The following ZSCAN25 variants were observed in gnomAD, a reference collection of about 807,000 sequenced individuals.
The protein encoded by ZSCAN25 is zinc finger and SCAN domain-containing protein 25.
A neutral mutation model predicts 38.7 loss-of-function variants in ZSCAN25; 27 were observed. The observed-to-expected ratio is 0.70, with a 90% confidence interval of 0.51 to 0.96. The LOEUF is 0.96. ZSCAN25 is among the 40% of genes least tolerant of loss of function. The probability of loss-of-function intolerance (pLI) is 0.00; values close to 1 mark genes in which losing one functional copy is unlikely to be tolerated. For missense variants in ZSCAN25, 637 were observed against 705.9 expected (o/e 0.90, Z 1.11); for synonymous variants, 273 against 277.7 (o/e 0.98, Z 0.17).
chr7:99,711,040 T>A, the ZSCAN25 span: 25 of 1,346,262 alleles, frequency 1.9e-5, no homozygotes, highest in Non-Finnish European at 1.7e-5. Flanking sequence ...GGTTTCACTC[T>A]GATGTGTGTC....
chr7:99,663,485 G>C, the ZSCAN25 span: 191 of 990,796 alleles, frequency 1.9e-4, no homozygotes, highest in Middle Eastern at 1.6e-3. Flanking sequence ...GAAGACCCCT[G>C]TTCACTCCAG....
Position 99,629,191 on chromosome 7 carries a change from G to A in ZSCAN25, c.806G>A (p.Gly269Asp), listed in dbSNP as rs1159831748. Reference sequence around the variant, plus strand: ...ATCTTTATCTCCTCCTGTCCTGTAGGCGGTGGGAGCAAGGAAAAGGAGGCA... The same window carrying A: ...ATCTTTATCTCCTCCTGTCCTGTAGACGGTGGGAGCAAGGAAAAGGAGGCA... Reference protein sequence around the residue: ...VEPQDCRVSPGGGSKEKEAKP... With the variant: ...VEPQDCRVSPDGGSKEKEAKP... Residue 269 changes from glycine (G) to aspartate (D), a missense_variant and splice_region_variant, in exon 8 of 8, where the codon GGC becomes GAC. Coordinates refer to ENST00000394152, the MANE Select transcript of ZSCAN25 (RefSeq NM_145115.3). The surrounding 1 kb of genome is among the most constrained non-coding windows in gnomAD (Gnocchi z 5.6). The A allele has an allele frequency of 1.2e-6, 2 of 1,606,254 alleles. No homozygotes were observed. Among genetic ancestry groups the A allele is most frequent in the Non-Finnish European group, 1.7e-6 (2 of 1,176,170 alleles).
chr7:99,674,631 A>G, the ZSCAN25 span: 2 of 1,539,424 alleles, frequency 1.3e-6, no homozygotes, highest in East Asian at 2.3e-5. Context: ...TTTAAATAGA[A>G]TAAACCCTAC....
chr7:99,733,129 C>T, the ZSCAN25 span, among the ~76,000 whole-genome samples: 2 of 152,238 alleles, frequency 1.3e-5, no homozygotes, highest in Non-Finnish European at 2.9e-5. Flanking sequence ...TGTGCACCAT[C>T]TACCACAACC....
chr7:99,734,438 C>A, the ZSCAN25 span, among the ~76,000 whole-genome samples: 1 of 152,018 alleles, frequency 6.6e-6, no homozygotes, highest in African/African-American at 2.4e-5. Context: ...TGGGTACAAA[C>A]CATTGTCTAT....
chr7:99,660,499 C>A, the ZSCAN25 span: 1 of 1,609,616 alleles, frequency 6.2e-7, no homozygotes, highest in Non-Finnish European at 8.5e-7. Context: ...ATCCCCTCAC[C>A]TTATTGGGCA....
the ZSCAN25 span, among the ~76,000 whole-genome samples, chr7:99,690,331 A>C: frequency 6.6e-6 from 1 of 152,228 alleles, no homozygotes; most frequent in East Asian, 1.9e-4. Flanking sequence ...TAGACCTAAA[A>C]CCATAAAAAC....
chr7:99,737,571 A>G, the ZSCAN25 span, among the ~76,000 whole-genome samples: 1 of 152,174 alleles, frequency 6.6e-6, no homozygotes, highest in Non-Finnish European at 1.5e-5. Flanking sequence ...GATAACTATC[A>G]ACAACTTCAT....
downstream of ZSCAN25, among the ~76,000 whole-genome samples, chr7:99,637,139 T>C (rs1322724023): frequency 1.3e-5 from 2 of 152,230 alleles, no homozygotes; most frequent in Non-Finnish European, 2.9e-5. Flanking sequence ...GCTTAATCAG[T>C]TGCTATAATG....
the ZSCAN25 span, among the ~76,000 whole-genome samples, chr7:99,736,989 C>T: frequency 6.6e-6 from 1 of 152,140 alleles, no homozygotes; most frequent in Non-Finnish European, 1.5e-5. Context: ...TGGAGCCCTA[C>T]AGAGAGGTAC....
chr7:99,621,259 C>A, intron 4 of ZSCAN25, 114 bp from the exon 5 acceptor site: 1 of 957,776 alleles, frequency 1.0e-6, no homozygotes, highest in Non-Finnish European at 1.4e-6. Context: ...TCCTTCCTCT[C>A]CCCTGAAGCT....
the ZSCAN25 span, among the ~76,000 whole-genome samples, chr7:99,667,399 T>C: frequency 6.6e-6 from 1 of 151,990 alleles, no homozygotes; most frequent in Non-Finnish European, 1.5e-5. Context: ...TCCCCAGGAG[T>C]GTGCAGAGTA....
the ZSCAN25 span, chr7:99,648,480 T>G: frequency 8.6e-7 from 1 of 1,157,214 alleles, no homozygotes; most frequent in Non-Finnish European, 1.2e-6. Flanking sequence ...AGAAAAAATA[T>G]GACAAAAATG....
chr7:99,673,897 C>T, the ZSCAN25 span, among the ~76,000 whole-genome samples: 4 of 152,308 alleles, frequency 2.6e-5, no homozygotes, highest in Admixed American at 2.0e-4. Flanking sequence ...CCACAATGCT[C>T]CTAGCCTAGT....
the ZSCAN25 span, chr7:99,708,887 A>G: frequency 1.1e-6 from 1 of 946,178 alleles, no homozygotes; most frequent in Non-Finnish European, 1.6e-6. Flanking sequence ...GTAAAGTGTG[A>G]CAATGATCAA....
At chr7:99,638,817 G>T in the ZSCAN25 span, 1 of 733,678 alleles carries the variant, frequency 1.4e-6, no homozygotes. Flanking sequence ...GGTCCCCTCA[G>T]CCAACAACGC....
At chr7:99,722,734 G>A in the ZSCAN25 span, among the ~76,000 whole-genome samples, 3 of 152,138 alleles carry the variant, frequency 2.0e-5, no homozygotes, top group Non-Finnish European at 4.4e-5. Flanking sequence ...GCGCCAGAAG[G>A]GAACGTGCAG....
chr7:99,620,408 G>A, intron 4 of ZSCAN25: 1 of 171,458 alleles, frequency 5.8e-6, no homozygotes, highest in Non-Finnish European at 1.3e-5. Context: ...GTTTCTCTGT[G>A]GCTCATAGGG....
the ZSCAN25 span, among the ~76,000 whole-genome samples, chr7:99,667,391 C>T: frequency 6.6e-6 from 1 of 152,180 alleles, no homozygotes; most frequent in East Asian, 1.9e-4. Flanking sequence ...CTAGCCCTTC[C>T]CCAGGAGTGT....
Sources: allele counts gnomAD v4.1 joint callset (sites outside exome capture counted in the v4.1 genomes callset), GRCh38; gene constraint gnomAD v4.1.1; non-coding constraint Gnocchi (gnomAD v3.1); transcripts MANE v1.5; gene names NCBI Gene and HGNC (gene_info 2026-07-23, HGNC 2026-07-21).